Variants in TEK observed in about 807,000 individuals in gnomAD.
The protein encoded by TEK is TEK receptor tyrosine kinase.
TEK carries 43 observed loss-of-function variants against 131.8 expected under a neutral mutation model. The observed-to-expected ratio is 0.33, with a 90% confidence interval of 0.26 to 0.42. The LOEUF (loss-of-function observed/expected upper bound fraction) is 0.42, where lower values mean the gene tolerates loss of function less well. TEK is among the 10% of genes least tolerant of loss of function. The probability of loss-of-function intolerance (pLI) is 1.00; values close to 1 mark genes in which losing one functional copy is unlikely to be tolerated. For missense variants in TEK, 1,162 were observed against 1,384.4 expected, an observed-to-expected ratio of 0.84 and a Z score of 2.55; for synonymous variants, 580 against 491.6, an observed-to-expected ratio of 1.18 and a Z score of -2.38.
intron 1 of TEK, among the ~76,000 whole-genome samples, chr9:27,133,563 T>C (rs12339162): frequency 0.52 from 79,665 of 152,024 alleles, 21,884 homozygotes; most frequent in African/African-American, 0.57. Context: ...CTTATTGCTA[T>C]TTTTTAGTAT....
At chr9:27,131,773 C>T (rs2131063009) in intron 1 of TEK, among the ~76,000 whole-genome samples, 1 of 151,760 alleles carries the variant, frequency 6.6e-6, no homozygotes, top group South Asian at 2.1e-4. Context: ...CACCACTGCA[C>T]TCCCGACTGG....
chr9:27,183,446 T>G lies in TEK; in HGVS notation c.1031-13T>G. 1 of 1,613,556 alleles carries G rather than the reference T, an allele frequency of 6.2e-7. No individual in the cohort carries two copies. Among genetic ancestry groups the G allele is most frequent in the South Asian group, 1.1e-5 (1 of 91,066 alleles). On this transcript the variant is annotated splice_polypyrimidine_tract_variant and intron_variant, in intron 7 of 22. Coordinates refer to ENST00000380036, the MANE Select transcript of TEK (RefSeq NM_000459.5). ...TAAATATTAGATTTCACAGTGCTGT[T>G]TTCTTCCTTCAGGCATACAGAGGAT...
At chr9:27,199,245 C>T (rs528658685) in intron 12 of TEK, among the ~76,000 whole-genome samples, 16 of 152,316 alleles carry the variant, frequency 1.1e-4, no homozygotes, top group African/African-American at 3.4e-4. Context: ...AATATTCTAT[C>T]TTATGAATGT....
At position 27,157,822 on chromosome 9, in the gene TEK, T is replaced by C. The variant is rs1169870091; in HGVS notation, c.53-9T>C. 5.6e-6 allele frequency: 9 copies of C among 1,614,124 alleles called. No individual in the cohort carries two copies. Among genetic ancestry groups the C allele is most frequent in the East Asian group, 2.2e-5 (1 of 44,888 alleles). ...TTAGTCATACATTATTGTCTCTCTT[T>C]CCTTTTAGGAACTGTGGAAGGTGCC... On this transcript the variant is annotated splice_polypyrimidine_tract_variant and intron_variant, in intron 1 of 22. Coordinates refer to ENST00000380036, the MANE Select transcript of TEK (RefSeq NM_000459.5).
chr9:27,190,788 C>G, intron 10 of TEK, 98 bp downstream of exon 10: 1 of 1,522,014 alleles, frequency 6.6e-7, no homozygotes, highest in Non-Finnish European at 9.1e-7. Context: ...CCTCAATCCT[C>G]TACCTCAAGG....
chr9:27,115,287 C>A (rs754959800), intron 1 of TEK, among the ~76,000 whole-genome samples: 5 of 151,974 alleles, frequency 3.3e-5, no homozygotes, highest in Non-Finnish European at 7.4e-5. Flanking sequence ...TCGCTTGAGC[C>A]CAGGAGTTTC....
At chr9:27,216,430 G>A (rs72614300) in intron 18 of TEK, among the ~76,000 whole-genome samples, 3,473 of 152,202 alleles carry the variant, frequency 0.023, 103 homozygotes, top group East Asian at 0.11. Context: ...GAGGTGTGAG[G>A]TTGGAAGCCA....
At chr9:27,132,236 C>T (rs892611079) in intron 1 of TEK, among the ~76,000 whole-genome samples, 20 of 151,968 alleles carry the variant, frequency 1.3e-4, no homozygotes, top group Non-Finnish European at 2.8e-4. Flanking sequence ...CACAGGCGTG[C>T]ACCACCACAC....
intron 8 of TEK, among the ~76,000 whole-genome samples, chr9:27,183,833 T>A (rs1270314833): frequency 6.6e-6 from 1 of 152,182 alleles, no homozygotes; most frequent in East Asian, 1.9e-4. Context: ...GGAATATGCC[T>A]CCTGGGGAAC....
At chr9:27,127,119 C>T (rs1175098767) in intron 1 of TEK, among the ~76,000 whole-genome samples, 3 of 152,032 alleles carry the variant, frequency 2.0e-5, no homozygotes, top group South Asian at 2.1e-4. Flanking sequence ...TAATGCTATC[C>T]CTCCCTCAAC....
At chr9:27,174,533 A>G (rs1208439980) in intron 6 of TEK, among the ~76,000 whole-genome samples, 3 of 152,322 alleles carry the variant, frequency 2.0e-5, no homozygotes, top group African/African-American at 7.2e-5. Context: ...TCCCTTTTTC[A>G]TAGTAAGTCT....
chr9:27,161,701 G>C (rs1293739552), intron 2 of TEK, among the ~76,000 whole-genome samples: 4 of 152,198 alleles, frequency 2.6e-5, no homozygotes, highest in Non-Finnish European at 5.9e-5. Context: ...ACAGAGTAGA[G>C]GTATGAGAGT....
rs138921329 is a variant in TEK at position 27,206,904 on chromosome 9, T to C, written c.2575+112T>C. 6 of 1,195,642 alleles carry C rather than the reference T, an allele frequency of 5.0e-6. No homozygotes were observed. In the African/African-American group the frequency reaches 6.0e-5, roughly 12 times the overall value. 74.1% of individuals were successfully genotyped at this position (1,195,642 alleles called of 1,614,324 possible). On this transcript the variant is annotated intron_variant, in intron 15 of 22. Transcript: ENST00000380036. ...CAAAAAATTGGCATGGTATCAGACA[T>C]AGCTGTTATTTGCAACTGAAGGTTA...
intron 9 of TEK, among the ~76,000 whole-genome samples, chr9:27,187,772 C>T (rs1476423009): frequency 6.6e-6 from 1 of 152,124 alleles, no homozygotes; most frequent in Non-Finnish European, 1.5e-5. Context: ...CACTGTCTCC[C>T]TGTATCTTCA....
intron 1 of TEK, among the ~76,000 whole-genome samples, chr9:27,137,397 A>G (rs1822503428): frequency 6.6e-6 from 1 of 152,176 alleles, no homozygotes. Flanking sequence ...GATTTTTCAC[A>G]TGTAAGGAGT....
intron 1 of TEK, among the ~76,000 whole-genome samples, chr9:27,133,989 C>G (rs1822324306): frequency 6.6e-6 from 1 of 152,140 alleles, no homozygotes; most frequent in South Asian, 2.1e-4. Context: ...GTTAGAGGTA[C>G]AGGTTTGAAA....
intron 1 of TEK, among the ~76,000 whole-genome samples, chr9:27,130,423 G>A (rs1822164623): frequency 6.6e-6 from 1 of 152,062 alleles, no homozygotes; most frequent in African/African-American, 2.4e-5. Context: ...CCATCAAAGG[G>A]AGAAGATGGA....
intron 10 of TEK, chr9:27,192,045 G>A (rs1344560788): frequency 1.4e-5 from 6 of 422,218 alleles, no homozygotes; most frequent in African/African-American, 8.3e-5. Flanking sequence ...GTAATAGTAT[G>A]ACCATTGCAA....
chr9:27,169,390 G>A, intron 3 of TEK, 87 bp from the exon 4 acceptor site: 1 of 1,574,018 alleles, frequency 6.4e-7, no homozygotes, highest in African/African-American at 1.3e-5. Context: ...GACCATGTCA[G>A]GGAAAGCTAA....
Sources: gnomAD v4.1 joint callset for allele counts (sites outside exome capture counted in the v4.1 genomes callset) on GRCh38, gnomAD v4.1.1 for gene constraint, MANE v1.5 for transcripts, NCBI Gene and HGNC (gene_info 2026-07-23, HGNC 2026-07-21) for gene names.